Variants in FRMPD1 observed in about 807,000 individuals in gnomAD.
FRMPD1 encodes FERM and PDZ domain containing 1, also known as FERM and PDZ domain-containing protein 1.
A neutral mutation model predicts 117.8 loss-of-function variants in FRMPD1; 76 were observed. The observed-to-expected ratio is 0.65, with a 90% CI of 0.54 to 0.78. The LOEUF is 0.78. Ranked by LOEUF, FRMPD1 falls within the 30% of genes least tolerant of loss-of-function variation. The pLI is 0.00. For synonymous variants in FRMPD1, 783 were observed against 770.4 expected, an observed-to-expected ratio of 1.02 and a Z score of -0.27; for missense variants, 1,786 against 1,964.5, an observed-to-expected ratio of 0.91 and a Z score of 1.72.
At chr9:37,628,448 C>T in the FRMPD1 span, among the ~76,000 whole-genome samples, 1 of 151,966 alleles carries the variant, frequency 6.6e-6, no homozygotes, top group Non-Finnish European at 1.5e-5. Flanking sequence ...AAAAGAAAAA[C>T]AGAGAAAAAG....
rs370496508 is a variant in FRMPD1, at chr9:37,740,891, C to A, written c.2356+7C>A. The A allele has an allele frequency of 1.4e-5, 22 of 1,610,652 alleles. No individual in the cohort carries two copies. The African/African-American group carries it at 2.7e-4, about 20-fold the overall frequency. ...CCCCCAGGCCCCCCGTCAGGTGAGCCGTCCCTTGCAGGTCTGCAGACACGG... is the reference window on the plus strand; with the variant it reads ...CCCCCAGGCCCCCCGTCAGGTGAGCAGTCCCTTGCAGGTCTGCAGACACGG... On this transcript the variant is annotated splice_region_variant and intron_variant, in intron 15 of 15. Coordinates refer to ENST00000377765, the MANE Select transcript of FRMPD1 (RefSeq NM_014907.3). This position sits in a 1 kb window ranked among gnomAD's most constrained non-coding sequence, Gnocchi z 4.2.
At chr9:37,636,716 A>G in the FRMPD1 span, 1 of 1,579,174 alleles carries the variant, frequency 6.3e-7, no homozygotes, top group Admixed American at 2.0e-5. Flanking sequence ...AGCCGGCTTT[A>G]CAGGGGTGCT....
intron 5 of FRMPD1, among the ~76,000 whole-genome samples, chr9:37,713,999 C>T (rs1823010308): frequency 6.6e-6 from 1 of 152,108 alleles, no homozygotes; most frequent in Non-Finnish European, 1.5e-5. Flanking sequence ...CTGTATTTGA[C>T]AAATGTTATC....
intron 8 of FRMPD1, 119 bp from the exon 9 acceptor site, chr9:37,730,865 A>T: frequency 1.0e-6 from 1 of 1,002,616 alleles, no homozygotes. Flanking sequence ...GGGAAGCACT[A>T]GAATTGAAAT....
the FRMPD1 span, among the ~76,000 whole-genome samples, chr9:37,609,307 A>AG: frequency 2.0e-5 from 3 of 151,892 alleles, no homozygotes; most frequent in African/African-American, 7.3e-5. Context: ...AAAAAAAAAA[A>AG]GTATCTCAAG....
the FRMPD1 span, among the ~76,000 whole-genome samples, chr9:37,614,029 A>C: frequency 6.6e-6 from 1 of 152,226 alleles, no homozygotes; most frequent in Non-Finnish European, 1.5e-5. Flanking sequence ...ATTTTCTTAT[A>C]AGGGAAGAAT....
At chr9:37,698,893 C>T (rs1822429624) in intron 2 of FRMPD1, among the ~76,000 whole-genome samples, 1 of 152,148 alleles carries the variant, frequency 6.6e-6, no homozygotes, top group Non-Finnish European at 1.5e-5. Context: ...CATGTACCAC[C>T]ACACCCGGCT....
intron 2 of FRMPD1, among the ~76,000 whole-genome samples, chr9:37,701,759 T>C (rs923358165): frequency 1.3e-5 from 2 of 152,046 alleles, no homozygotes; most frequent in Non-Finnish European, 1.5e-5. Flanking sequence ...ATGAACAGAA[T>C]TGTGTTTATA....
chr9:37,725,038 G>T (rs755109655), intron 7 of FRMPD1, among the ~76,000 whole-genome samples: 8 of 152,150 alleles, frequency 5.3e-5, no homozygotes, highest in Non-Finnish European at 1.0e-4. Flanking sequence ...TGAGGGTAGG[G>T]TACATATCAA....
intron 5 of FRMPD1, 30 bp downstream of exon 5, chr9:37,711,425 G>A (rs1822907781): frequency 1.4e-5 from 22 of 1,542,548 alleles, no homozygotes; most frequent in Non-Finnish European, 1.8e-5. Context: ...CTGTGTGTTA[G>A]TTTCACCATT....
At chr9:37,618,045 CT>C in the FRMPD1 span, among the ~76,000 whole-genome samples, 1 of 152,174 alleles carries the variant, frequency 6.6e-6, no homozygotes, top group Non-Finnish European at 1.5e-5. Flanking sequence ...GAAATGAGGT[CT>C]GTCCACACAG....
intron 2 of FRMPD1, among the ~76,000 whole-genome samples, chr9:37,699,037 C>A (rs1013823247): frequency 6.6e-6 from 1 of 151,846 alleles, no homozygotes; most frequent in Non-Finnish European, 1.5e-5. Flanking sequence ...CCACACCCGG[C>A]CTAATTTTTG....
chr9:37,616,883 G>A, the FRMPD1 span, among the ~76,000 whole-genome samples: 1 of 152,334 alleles, frequency 6.6e-6, no homozygotes, highest in Non-Finnish European at 1.5e-5. Context: ...GGGGGCTGGT[G>A]TTCCTGGGGT....
chr9:37,603,247 C>T, the FRMPD1 span, among the ~76,000 whole-genome samples: 1 of 152,260 alleles, frequency 6.6e-6, no homozygotes, highest in Admixed American at 6.5e-5. Flanking sequence ...AAAATGAGGG[C>T]TTGGATTGGC....
At chr9:37,638,700 G>A in the FRMPD1 span, among the ~76,000 whole-genome samples, 1 of 152,152 alleles carries the variant, frequency 6.6e-6, no homozygotes, top group South Asian at 2.1e-4. Context: ...TTTTCAACTG[G>A]TGGGCTTACT....
the FRMPD1 span, among the ~76,000 whole-genome samples, chr9:37,641,019 C>T: frequency 0.15 from 22,445 of 152,190 alleles, 1,776 homozygotes; most frequent in African/African-American, 0.19. Flanking sequence ...ACCTGAGTAA[C>T]TGGGACTGCA....
Position 37,746,249 on chromosome 9 carries a change from G to C in FRMPD1, c.4217G>C (p.Arg1406Thr). 3.1e-6 allele frequency: 5 copies of C among 1,612,900 alleles called. No individual in the cohort carries two copies. Among genetic ancestry groups the C allele is most frequent in the Non-Finnish European group, 4.2e-6 (5 of 1,179,880 alleles). ...KSHIWPEYCS[R>T]ALRQLKATPA... ...CACATCTGGCCAGAGTACTGCTCCAGGGCACTGAGACAGCTGAAAGCCACC... is the reference window on the plus strand; with the variant it reads ...CACATCTGGCCAGAGTACTGCTCCACGGCACTGAGACAGCTGAAAGCCACC... Residue 1406 changes from arginine (R) to threonine (T), a missense_variant, in exon 16 of 16, where the codon AGG (arginine) becomes ACG (threonine). Arg to Thr is a moderately conservative substitution (Grantham distance 71). Coordinates refer to ENST00000377765, the MANE Select transcript of FRMPD1 (RefSeq NM_014907.3).
chr9:37,696,911 G>T (rs1481416731), intron 2 of FRMPD1, among the ~76,000 whole-genome samples: 1 of 152,122 alleles, frequency 6.6e-6, no homozygotes, highest in African/African-American at 2.4e-5. Flanking sequence ...TAAGTGAGTT[G>T]TCTAGGAGTA....
At chr9:37,711,545 G>T (rs1172143507) in intron 5 of FRMPD1, 150 bp downstream of exon 5, 4 of 693,848 alleles carry the variant, frequency 5.8e-6, no homozygotes, top group Non-Finnish European at 1.1e-5. Flanking sequence ...GTCAGTCCAT[G>T]TTATCTGAAG....
Sources: allele counts gnomAD v4.1 joint callset (sites outside exome capture counted in the v4.1 genomes callset), GRCh38; gene constraint gnomAD v4.1.1; non-coding constraint Gnocchi (gnomAD v3.1); transcripts MANE v1.5; gene names NCBI Gene and HGNC (gene_info 2026-07-23, HGNC 2026-07-21).